Variants in PDS5B observed in about 807,000 individuals in gnomAD.
The protein encoded by PDS5B is PDS5 cohesin associated factor B, also known as sister chromatid cohesion protein PDS5 homolog B.
In PDS5B, 51 loss-of-function variants were observed where a neutral mutation model predicts 184.1. That is an observed-to-expected ratio of 0.28 (90% CI 0.22 to 0.35). The LOEUF (loss-of-function observed/expected upper bound fraction) is 0.35, where lower values mean the gene tolerates loss of function less well. Ranked by LOEUF, PDS5B falls within the 10% of genes least tolerant of loss-of-function variation. The probability of loss-of-function intolerance (pLI) is 1.00; values close to 1 mark genes in which losing one functional copy is unlikely to be tolerated. For missense variants in PDS5B, 1,180 were observed against 1,723.3 expected (o/e 0.68, Z 5.58); for synonymous variants, 566 against 569.2 (o/e 0.99, Z 0.08).
intron 19 of PDS5B, among the ~76,000 whole-genome samples, chr13:32,724,736 T>C (rs1952840688): frequency 6.6e-6 from 1 of 152,084 alleles, no homozygotes; most frequent in Non-Finnish European, 1.5e-5. Context: ...CATGTCACCA[T>C]GCCTGGCTAA....
At chr13:32,684,475 C>A (rs1474772539) in intron 11 of PDS5B, among the ~76,000 whole-genome samples, 1 of 152,188 alleles carries the variant, frequency 6.6e-6, no homozygotes, top group African/African-American at 2.4e-5. Flanking sequence ...CAAAGCTAAA[C>A]CCGATAGAGC....
intron 30 of PDS5B, among the ~76,000 whole-genome samples, chr13:32,762,967 T>C (rs1026784312): frequency 6.6e-6 from 1 of 152,228 alleles, no homozygotes; most frequent in Non-Finnish European, 1.5e-5. Flanking sequence ...CCATTTGTTA[T>C]TCAACACAAA....
intron 10 of PDS5B, among the ~76,000 whole-genome samples, chr13:32,683,314 A>C (rs1457959427): frequency 1.3e-5 from 2 of 148,530 alleles, no homozygotes; most frequent in Non-Finnish European, 3.0e-5. Context: ...TGGCCTTTAA[A>C]ATTTTTTTTT....
At chr13:32,707,118 TTTC>T (rs1432254486) in intron 18 of PDS5B, 79 bp downstream of exon 18, 13 of 762,450 alleles carry the variant, frequency 1.7e-5, no homozygotes, top group African/African-American at 3.6e-5. Context: ...TTCTTGATGT[TTTC>T]TTCTTAAGTT....
At chr13:32,766,644 G>T (rs986825527) in intron 31 of PDS5B, among the ~76,000 whole-genome samples, 1 of 152,048 alleles carries the variant, frequency 6.6e-6, no homozygotes, top group Non-Finnish European at 1.5e-5. Flanking sequence ...CACAGCAAAG[G>T]AATTATTTTC....
Position 32,688,480 on chromosome 13 carries a change from T to C in PDS5B, c.1380T>C (p.Ala460=), listed in dbSNP as rs372448764. The stretch of plus-strand genomic sequence containing the variant: ...GACTACTTGTTGAACGGATCTTTGC[T>C]CAATACATGGTTCCTCACAATTTAG... The part of the protein sequence containing the change: ...DDRLLVERIF[A]QYMVPHNLET... The change falls in exon 13 of 35, where the codon GCT becomes GCC. Residue 460 remains alanine, a synonymous_variant. Coordinates refer to ENST00000315596, the MANE Select transcript of PDS5B (RefSeq NM_015032.4). The C allele has an allele frequency of 7.4e-5, 118 of 1,595,712 alleles. No homozygotes were observed. Among genetic ancestry groups the C allele is most frequent in the Non-Finnish European group, 9.9e-5 (116 of 1,167,900 alleles).
chr13:32,688,426 C>T, intron 12 of PDS5B, 30 bp from the exon 13 acceptor site: 1 of 1,121,326 alleles, frequency 8.9e-7, no homozygotes. Flanking sequence ...AGAAAAAAAT[C>T]AATACAATGC....
chr13:32,653,712 A>G (rs1482893180), intron 3 of PDS5B, among the ~76,000 whole-genome samples: 1 of 152,226 alleles, frequency 6.6e-6, no homozygotes, highest in Non-Finnish European at 1.5e-5. Flanking sequence ...TGGTCCATGT[A>G]GTTGTATACC....
chr13:32,657,065 G>A, intron 3 of PDS5B, among the ~76,000 whole-genome samples: 1 of 152,214 alleles, frequency 6.6e-6, no homozygotes, highest in East Asian at 1.9e-4. Context: ...TGTTTTGAAT[G>A]GAGAGTTCTG....
Position 32,691,282 on chromosome 13 carries a change from T to C in PDS5B, c.1469+2713T>C, listed in dbSNP as rs1951541963. ...ATTGTGTATACAGTGTTGTGTGTCTTTTTTTCTATTCTATTTCCAAGATTC... is the reference window on the plus strand; with the variant it reads ...ATTGTGTATACAGTGTTGTGTGTCTCTTTTTCTATTCTATTTCCAAGATTC... On this transcript the variant is annotated intron_variant, in intron 13 of 34. Transcript: ENST00000315596. 1.3e-5 allele frequency: 2 copies of C among 152,174 alleles called. 1 individual carries two copies. The highest frequency in any genetic ancestry group is 1.3e-4 in the Admixed American group (2 of 15,288). The allele number at this position is 152,174 out of a possible 1,614,324, so 9.4% of individuals were successfully genotyped here. A position where few individuals can be genotyped will look rare whatever the true frequency, so the allele number is the denominator to read the frequency against.
At chr13:32,609,312 G>C (rs2058105976) in intron 1 of PDS5B, among the ~76,000 whole-genome samples, 1 of 152,124 alleles carries the variant, frequency 6.6e-6, no homozygotes, top group Non-Finnish European at 1.5e-5. Context: ...TGTAGAAAAG[G>C]TGAGAAAAGA....
chr13:32,718,244 G>A (rs1263632333), intron 19 of PDS5B, among the ~76,000 whole-genome samples: 5 of 151,466 alleles, frequency 3.3e-5, no homozygotes, highest in South Asian at 2.1e-4. Flanking sequence ...TCCGCCTCCC[G>A]GGTTCACACC....
intron 1 of PDS5B, among the ~76,000 whole-genome samples, chr13:32,604,039 C>T (rs577070308): frequency 6.6e-5 from 10 of 152,312 alleles, no homozygotes; most frequent in Non-Finnish European, 1.3e-4. Flanking sequence ...AATTTGACTT[C>T]CTCTTTTCCT....
intron 3 of PDS5B, among the ~76,000 whole-genome samples, chr13:32,652,757 T>TA (rs202075341): frequency 1.7e-3 from 239 of 141,210 alleles, no homozygotes; most frequent in South Asian, 5.9e-3. Context: ...CCATCTCTAT[T>TA]AAAAAAAAAA....
At chr13:32,615,157 A>T (rs889165604) in intron 1 of PDS5B, among the ~76,000 whole-genome samples, 1 of 152,170 alleles carries the variant, frequency 6.6e-6, no homozygotes, top group African/African-American at 2.4e-5. Flanking sequence ...TGTTTTGTCT[A>T]TTTTATAACT....
chr13:32,646,392 T>TTG (rs1950228057), intron 1 of PDS5B, among the ~76,000 whole-genome samples: 1 of 140,322 alleles, frequency 7.1e-6, no homozygotes, highest in Non-Finnish European at 1.6e-5. Flanking sequence ...TTTTTTTTTT[T>TTG]GCCCCCATTG....
chr13:32,684,359 C>CT (rs2140811902), intron 11 of PDS5B, among the ~76,000 whole-genome samples: 1 of 152,204 alleles, frequency 6.6e-6, no homozygotes, highest in South Asian at 2.1e-4. Context: ...TCTTCTTTTT[C>CT]TTTCTTCTTT....
intron 33 of PDS5B, among the ~76,000 whole-genome samples, chr13:32,772,718 C>T (rs1954830949): frequency 6.6e-6 from 1 of 152,034 alleles, no homozygotes; most frequent in Non-Finnish European, 1.5e-5. Flanking sequence ...TGTTCTTGTA[C>T]TTTTAAAAGA....
chr13:32,593,584 G>A (rs752052216), intron 1 of PDS5B, among the ~76,000 whole-genome samples: 3 of 152,146 alleles, frequency 2.0e-5, no homozygotes, highest in Non-Finnish European at 4.4e-5. Flanking sequence ...CAGGTGATCC[G>A]CCCGCCTTGG....
Sources: gnomAD v4.1 joint callset for allele counts (sites outside exome capture counted in the v4.1 genomes callset) on GRCh38, gnomAD v4.1.1 for gene constraint, MANE v1.5 for transcripts, NCBI Gene and HGNC (gene_info 2026-07-23, HGNC 2026-07-21) for gene names.